Variants in NEGR1 observed in about 807,000 individuals in gnomAD.
NEGR1 encodes IgLON family member 4.
Under a neutral mutation model 40.9 loss-of-function variants are expected in NEGR1, and 10 were observed. The ratio of observed to expected loss-of-function variants is 0.24; its 90% CI spans 0.15 to 0.42. The LOEUF (loss-of-function observed/expected upper bound fraction) is 0.42. NEGR1 is among the 10% of genes least tolerant of loss of function. The pLI, the probability that NEGR1 is intolerant of heterozygous loss-of-function variation, is 1.00. For synonymous variants in NEGR1, 185 were observed against 166.8 expected (o/e 1.11, Z -0.84); for missense variants, 352 against 438.9 (o/e 0.80, Z 1.77).
chr1:71,490,316 AT>A (rs1432375020), intron 6 of NEGR1, among the ~76,000 whole-genome samples: 1 of 151,988 alleles, frequency 6.6e-6, no homozygotes, highest in Non-Finnish European at 1.5e-5. Flanking sequence ...TGAATATGAA[AT>A]CTCATGACTC....
At chr1:72,244,957 A>C (rs1654858483) in intron 1 of NEGR1, among the ~76,000 whole-genome samples, 1 of 151,982 alleles carries the variant, frequency 6.6e-6, no homozygotes. Context: ...TAAATAGTGA[A>C]ATCACCGACG....
intron 1 of NEGR1, among the ~76,000 whole-genome samples, chr1:71,988,336 G>A (rs1646417988): frequency 6.6e-6 from 1 of 151,936 alleles, no homozygotes; most frequent in Non-Finnish European, 1.5e-5. Context: ...TCAGGAGATC[G>A]AGACCATCCT....
intron 4 of NEGR1, among the ~76,000 whole-genome samples, chr1:71,686,421 C>T (rs929624604): frequency 6.6e-6 from 1 of 152,086 alleles, no homozygotes; most frequent in African/African-American, 2.4e-5. Context: ...GGGGCTCACA[C>T]AAGGGCAGCT....
chr1:72,118,982 T>G (rs1229811669), intron 1 of NEGR1, among the ~76,000 whole-genome samples: 1 of 151,734 alleles, frequency 6.6e-6, no homozygotes, highest in African/African-American at 2.4e-5. Context: ...GTGAAAAATT[T>G]TAATGCAGAT....
chr1:71,415,399 T>A (rs1258181412), intron 6 of NEGR1, among the ~76,000 whole-genome samples: 1 of 152,088 alleles, frequency 6.6e-6, no homozygotes, highest in Non-Finnish European at 1.5e-5. Context: ...TTCTGCTTGC[T>A]GAATAACCAT....
intron 1 of NEGR1, among the ~76,000 whole-genome samples, chr1:72,090,282 A>C (rs1032384180): frequency 3.3e-5 from 5 of 151,676 alleles, no homozygotes; most frequent in African/African-American, 1.2e-4. Context: ...TTCTGTATCT[A>C]GGTGATGGGG....
At chr1:71,613,605 T>C (rs1457774580) in intron 4 of NEGR1, among the ~76,000 whole-genome samples, 1 of 151,074 alleles carries the variant, frequency 6.6e-6, no homozygotes, top group Non-Finnish European at 1.5e-5. Context: ...TGCAGTGAAT[T>C]GAGACTGCCA....
At chr1:72,156,852 T>C (rs890468659) in intron 1 of NEGR1, among the ~76,000 whole-genome samples, 1 of 152,198 alleles carries the variant, frequency 6.6e-6, no homozygotes, top group Non-Finnish European at 1.5e-5. Flanking sequence ...AAAGAAATTA[T>C]CTAAATCTCA....
At chr1:71,453,199 C>T (rs1006079352) in intron 6 of NEGR1, among the ~76,000 whole-genome samples, 1 of 152,102 alleles carries the variant, frequency 6.6e-6, no homozygotes, top group Non-Finnish European at 1.5e-5. Flanking sequence ...AATTCAGAGA[C>T]GTGTTTTATG....
chr1:72,046,786 A>C (rs369671465), intron 1 of NEGR1, among the ~76,000 whole-genome samples: 6 of 151,676 alleles, frequency 4.0e-5, no homozygotes, highest in African/African-American at 1.4e-4. Flanking sequence ...CAAAGAAAAC[A>C]CTAATTCAAA....
chr1:71,887,778 C>G (rs1660766497), intron 2 of NEGR1, among the ~76,000 whole-genome samples: 1 of 152,232 alleles, frequency 6.6e-6, no homozygotes, highest in South Asian at 2.1e-4. Context: ...TTCTCACCCC[C>G]AATTTTTGCT....
intron 1 of NEGR1, among the ~76,000 whole-genome samples, chr1:71,986,901 A>C (rs6688967): frequency 0.022 from 3,403 of 152,322 alleles, 114 homozygotes; most frequent in African/African-American, 0.077. Context: ...ACAATTTTGC[A>C]GCAGGGAACT....
intron 1 of NEGR1, among the ~76,000 whole-genome samples, chr1:72,161,066 AGTT>A (rs1357015802): frequency 1.3e-5 from 2 of 152,174 alleles, no homozygotes; most frequent in Admixed American, 1.3e-4. Context: ...CACTTTGAGC[AGTT>A]GTTTCAGGAA....
chr1:71,512,262 C>A (rs912211056), intron 6 of NEGR1, among the ~76,000 whole-genome samples: 2 of 151,808 alleles, frequency 1.3e-5, no homozygotes, highest in Non-Finnish European at 2.9e-5. Flanking sequence ...AAACAGTTCA[C>A]CCCTACAGTT....
intron 1 of NEGR1, among the ~76,000 whole-genome samples, chr1:72,182,191 T>A (rs1652402116): frequency 6.6e-6 from 1 of 152,210 alleles, no homozygotes; most frequent in South Asian, 2.1e-4. Context: ...ACACAATTTG[T>A]CTTTTTAAAA....
At chr1:72,249,206 A>C (rs1342160371) in intron 1 of NEGR1, among the ~76,000 whole-genome samples, 1 of 152,182 alleles carries the variant, frequency 6.6e-6, no homozygotes, top group Non-Finnish European at 1.5e-5. Flanking sequence ...ACACAGCTAG[A>C]AGGTATCAAT....
intron 1 of NEGR1, among the ~76,000 whole-genome samples, chr1:71,953,718 A>T (rs1646093240): frequency 6.6e-6 from 1 of 151,994 alleles, no homozygotes; most frequent in Non-Finnish European, 1.5e-5. Context: ...TTCTGCAACC[A>T]CCACTCTGAC....
Position 72,060,077 on chromosome 1 carries a change from T to G in NEGR1, c.177-124766A>C, listed in dbSNP as rs1182290129. 2.0e-5 allele frequency among the ~76,000 whole-genome samples: 3 copies of G among 151,650 alleles called. 1 individual carries two copies. Among genetic ancestry groups the G allele is most frequent in the African/African-American group, 4.8e-5 (2 of 41,356 alleles). ...TGGCTGGAAAAATTATAATAAAATTTTCATAAAGTTCATATTCATGAAGTG... is the reference window on the plus strand; with the variant it reads ...TGGCTGGAAAAATTATAATAAAATTGTCATAAAGTTCATATTCATGAAGTG... On this transcript the variant is annotated intron_variant, in intron 1 of 6. Coordinates refer to ENST00000357731, the MANE Select transcript of NEGR1 (RefSeq NM_173808.3).
At chr1:72,265,185 T>C (rs576644871) in intron 1 of NEGR1, among the ~76,000 whole-genome samples, 1 of 151,128 alleles carries the variant, frequency 6.6e-6, no homozygotes, top group East Asian at 1.9e-4. Flanking sequence ...GTTTTAATTA[T>C]GCATAACTGA....
Sources: allele counts gnomAD v4.1 joint callset (sites outside exome capture counted in the v4.1 genomes callset), GRCh38; gene constraint gnomAD v4.1.1; transcripts MANE v1.5; gene names NCBI Gene and HGNC (gene_info 2026-07-23, HGNC 2026-07-21).